LRP1B: variants seen among roughly 807,000 people sequenced by gnomAD.
The protein encoded by LRP1B is LDL receptor related protein 1B.
Under a neutral mutation model 556.6 loss-of-function variants are expected in LRP1B, and 217 were observed. The ratio of observed to expected loss-of-function variants is 0.39; its 90% CI spans 0.35 to 0.44. The LOEUF is 0.44. Ranked by LOEUF, LRP1B falls within the 20% of genes least tolerant of loss-of-function variation. The probability of loss-of-function intolerance (pLI) is 1.00; values close to 1 mark genes in which losing one functional copy is unlikely to be tolerated. For synonymous variants in LRP1B, 2,047 were observed against 1,865.8 expected (o/e 1.10, Z -2.50); for missense variants, 5,053 against 5,620.8 (o/e 0.90, Z 3.23).
chr2:140,375,097 G>A (rs1369769620), intron 68 of LRP1B, among the ~76,000 whole-genome samples: 9 of 151,652 alleles, frequency 5.9e-5, no homozygotes, highest in African/African-American at 2.2e-4. Flanking sequence ...TGATACCTTT[G>A]CAACCTCCAA....
At chr2:140,652,068 A>G (rs978330415) in intron 41 of LRP1B, among the ~76,000 whole-genome samples, 4 of 152,186 alleles carry the variant, frequency 2.6e-5, no homozygotes, top group African/African-American at 9.6e-5. Flanking sequence ...TATAAAAAAA[A>G]GTAGCAGAAA....
chr2:140,251,327 A>G (rs368892789), intron 86 of LRP1B, among the ~76,000 whole-genome samples: 2 of 151,962 alleles, frequency 1.3e-5, no homozygotes, highest in South Asian at 4.1e-4. Flanking sequence ...AATTATTACA[A>G]AGAGAATTAA....
At chr2:141,638,796 C>T (rs1374398946) in intron 2 of LRP1B, among the ~76,000 whole-genome samples, 1 of 101,588 alleles carries the variant, frequency 9.8e-6, no homozygotes, top group Non-Finnish European at 2.3e-5. Flanking sequence ...GTACTGGGTA[C>T]ATGAAAGCAT....
intron 1 of LRP1B, among the ~76,000 whole-genome samples, chr2:142,018,244 T>G (rs968243087): frequency 3.3e-5 from 5 of 152,216 alleles, no homozygotes; most frequent in African/African-American, 1.2e-4. Context: ...TTGCAGTTGA[T>G]ATTTAAATCA....
intron 41 of LRP1B, chr2:140,683,507 C>G: frequency 1.7e-6 from 1 of 589,394 alleles, no homozygotes; most frequent in Non-Finnish European, 3.3e-6. Context: ...GAGAAACGCT[C>G]CCCTGGATGT....
At chr2:141,294,233 G>A (rs545981555) in intron 3 of LRP1B, among the ~76,000 whole-genome samples, 2 of 152,186 alleles carry the variant, frequency 1.3e-5, no homozygotes, top group South Asian at 4.1e-4. Flanking sequence ...TTAAAGTGCA[G>A]AGTGCATGTT....
intron 7 of LRP1B, among the ~76,000 whole-genome samples, chr2:141,178,285 C>G: frequency 6.6e-6 from 1 of 152,010 alleles, no homozygotes; most frequent in African/African-American, 2.4e-5. Context: ...GGGAATCTCA[C>G]AGAGAAAAAA....
chr2:141,362,317 G>T (rs934080937), intron 3 of LRP1B, among the ~76,000 whole-genome samples: 1 of 152,158 alleles, frequency 6.6e-6, no homozygotes, highest in Non-Finnish European at 1.5e-5. Flanking sequence ...TTTACACTTT[G>T]GTTGGTAATG....
At chr2:140,714,108 C>G (rs1295098316) in intron 37 of LRP1B, among the ~76,000 whole-genome samples, 1 of 152,054 alleles carries the variant, frequency 6.6e-6, no homozygotes, top group African/African-American at 2.4e-5. Context: ...TTTGAATTTT[C>G]AGTTTAAACA....
In LRP1B at chr2:140,656,798, T is replaced by C. The variant is rs181536381; in HGVS notation, c.6799+43452A>G. Among the ~76,000 whole-genome samples, 446 of 152,164 alleles carry C rather than the reference T, an allele frequency of 2.9e-3. 5 individuals carry two copies. Among genetic ancestry groups the C allele is most frequent in the African/African-American group, 9.6e-3 (399 of 41,524 alleles). Reference sequence around the variant, plus strand: ...GAGGAAATGTATGAAAGACTAAAGGTTGGAGAAGCAGAGAGTTAAAAAAGC... The same window carrying C: ...GAGGAAATGTATGAAAGACTAAAGGCTGGAGAAGCAGAGAGTTAAAAAAGC... On this transcript the variant is annotated intron_variant, in intron 41 of 90. Transcript: ENST00000389484.
In LRP1B at chr2:141,429,447, G is replaced by A. The variant is rs186346647; in HGVS notation, c.343+50949C>T. ...AATTCCAGGTTGATTACTTTTGGGG[G>A]AAAATTTTGTCTTGGTTAAGGAAAA... On this transcript the variant is annotated intron_variant, in intron 3 of 90. Transcript: ENST00000389484. Among the ~76,000 whole-genome samples, 781 of 152,288 alleles carry A rather than the reference G, an allele frequency of 5.1e-3. 1 individual carries two copies. Among genetic ancestry groups the A allele is most frequent in the Non-Finnish European group, 7.8e-3 (529 of 68,022 alleles).
chr2:141,287,872 T>C (rs1447145829), intron 3 of LRP1B, among the ~76,000 whole-genome samples: 1 of 152,218 alleles, frequency 6.6e-6, no homozygotes, highest in East Asian at 1.9e-4. Context: ...TCTTAACCTA[T>C]GATTACATAA....
At chr2:141,361,637 T>TG (rs1688830200) in intron 3 of LRP1B, among the ~76,000 whole-genome samples, 2 of 152,226 alleles carry the variant, frequency 1.3e-5, no homozygotes, top group Non-Finnish European at 2.9e-5. Context: ...TTTAACTGAT[T>TG]AGTTCAGTGC....
chr2:141,140,213 C>A lies in LRP1B; in HGVS notation c.1013+48208G>T, dbSNP rs201534637. 9.8e-4 allele frequency among the ~76,000 whole-genome samples: 149 copies of A among 152,004 alleles called. 1 individual carries two copies. The highest frequency in any genetic ancestry group is 3.3e-3 in the South Asian group (16 of 4,822). On this transcript the variant is annotated intron_variant, in intron 7 of 90. Transcript: ENST00000389484. ...AAAAACTACATAGAGCACAAGGGAA[C>A]GTTTAGGAGAGATGTACAGGATCAT...
chr2:141,032,826 C>CATATATAT lies in LRP1B; in HGVS notation c.1790-12732_1790-12725dup, dbSNP rs71391641. 2.3e-3 allele frequency among the ~76,000 whole-genome samples: 294 copies of CATATATAT among 126,652 alleles called. 8 individuals are homozygous for CATATATAT. The highest frequency in any genetic ancestry group is 7.6e-3 in the African/African-American group (251 of 33,002). The allele number at this position is 126,652 out of a possible 152,430, so 83.1% of individuals were successfully genotyped here. ...ATGTGTGTGTGTATATATATACATA[C>CATATATAT]ATATATATATATATGCAGGCATATG... On this transcript the variant is annotated intron_variant, in intron 11 of 90. Transcript: ENST00000389484.
intron 2 of LRP1B, among the ~76,000 whole-genome samples, chr2:141,484,761 G>C (rs1445125708): frequency 6.6e-6 from 1 of 151,966 alleles, no homozygotes; most frequent in East Asian, 1.9e-4. Flanking sequence ...TTGGCTCTCT[G>C]TTTGTCTGTT....
At chr2:141,095,264 G>A (rs1309264426) in intron 7 of LRP1B, among the ~76,000 whole-genome samples, 4 of 143,518 alleles carry the variant, frequency 2.8e-5, no homozygotes, top group African/African-American at 7.6e-5. Flanking sequence ...CCCACCATAA[G>A]AGAAAGAGGC....
At chr2:140,492,090 T>C (rs1169043825) in intron 57 of LRP1B, among the ~76,000 whole-genome samples, 2 of 152,192 alleles carry the variant, frequency 1.3e-5, no homozygotes, top group African/African-American at 2.4e-5. Flanking sequence ...TCTGACGTGT[T>C]TATTTTTAAC....
chr2:141,259,470 G>A (rs1307884865), intron 3 of LRP1B, among the ~76,000 whole-genome samples: 1 of 152,152 alleles, frequency 6.6e-6, no homozygotes, highest in Non-Finnish European at 1.5e-5. Context: ...GAGAGTAATT[G>A]GTGTGTGCCA....
Sources: allele counts gnomAD v4.1 joint callset (sites outside exome capture counted in the v4.1 genomes callset), GRCh38; gene constraint gnomAD v4.1.1; transcripts MANE v1.5; gene names NCBI Gene and HGNC (gene_info 2026-07-23, HGNC 2026-07-21).